Variants in GUF1 observed in about 807,000 individuals in gnomAD.
GUF1 encodes translation factor GUF1, mitochondrial.
GUF1 carries 78 observed loss-of-function variants against 82.4 expected under a neutral mutation model. The ratio of observed to expected loss-of-function variants is 0.95; its 90% CI spans 0.79 to 1.14. The LOEUF is 1.14. Ranked by LOEUF, GUF1 falls within the 50% of genes most tolerant of loss-of-function variation. The pLI is 0.00. For missense variants in GUF1, 814 were observed against 798.2 expected, an observed-to-expected ratio of 1.02 and a Z score of -0.24; for synonymous variants, 279 against 282.3, an observed-to-expected ratio of 0.99 and a Z score of 0.12.
chr4:44,690,916 A>G, intron 12 of GUF1, 56 bp downstream of exon 12: 1 of 1,292,500 alleles, frequency 7.7e-7, no homozygotes, highest in Admixed American at 2.4e-5. Flanking sequence ...TGAAATAGTG[A>G]TTTCCAACTC....
intron 13 of GUF1, among the ~76,000 whole-genome samples, chr4:44,692,170 A>T (rs995188590): frequency 1.3e-5 from 2 of 151,904 alleles, no homozygotes; most frequent in African/African-American, 2.4e-5. Context: ...TCTCAAGAGC[A>T]TCTATTTACA....
At position 44,689,358 on chromosome 4, in the gene GUF1, C is replaced by T; in HGVS notation, c.1151C>T (p.Ser384Phe). The change falls in exon 10 of 17, where the codon TCC (serine) becomes TTC (phenylalanine). Residue 384 changes from serine (S) to phenylalanine (F), a missense_variant. Physicochemically the swap from Ser to Phe is radical, Grantham distance 155. Transcript: ENST00000281543. ...ATAGAAAAACTGACTTTAAATGATT[C>T]CAGTGTGACCGTTCATCGGGATAGT... The part of the protein sequence containing the change: ...SAIEKLTLND[S>F]SVTVHRDSSL... 6.2e-7 allele frequency: 1 copy of T among 1,609,820 alleles called. No homozygotes were observed. The highest frequency in any genetic ancestry group is 8.5e-7 in the Non-Finnish European group (1 of 1,177,392).
intron 6 of GUF1, 71 bp from the exon 7 acceptor site, chr4:44,685,888 C>A: frequency 9.9e-7 from 1 of 1,005,364 alleles, no homozygotes; most frequent in Middle Eastern, 2.1e-4. Flanking sequence ...GATCATAAGT[C>A]ACAGGTCATC....
At position 44,678,592 on chromosome 4, in the gene GUF1, A is replaced by G; in HGVS notation, c.-31A>G. The G allele has an allele frequency of 7.0e-7, 1 of 1,436,176 alleles. No homozygotes were observed. The highest frequency in any genetic ancestry group is 9.1e-7 in the Non-Finnish European group (1 of 1,103,118). 89.0% of individuals were successfully genotyped at this position (1,436,176 alleles called of 1,614,324 possible). A position where few individuals can be genotyped will look rare whatever the true frequency, so the allele number is the denominator to read the frequency against. On this transcript the variant is annotated 5_prime_UTR_variant, in exon 1 of 17. Coordinates refer to ENST00000281543, the MANE Select transcript of GUF1 (RefSeq NM_021927.3). The stretch of plus-strand genomic sequence containing the variant: ...GGCTATGCTGCTGTTGCGTGTGGGT[A>G]CCCTCTCCTGACGCCTCCGCCGCCC...
At position 44,698,532 on chromosome 4, in the gene GUF1, A is replaced by G. The variant is rs774252231; in HGVS notation, c.1873-12A>G. ...GTGACTTAGACTTCCAATGTTTTAAAATATTTTTCAGTATGGTGGTGATAT... is the reference window on the plus strand; with the variant it reads ...GTGACTTAGACTTCCAATGTTTTAAGATATTTTTCAGTATGGTGGTGATAT... On this transcript the variant is annotated splice_polypyrimidine_tract_variant and intron_variant, in intron 16 of 16. Transcript: ENST00000281543. 1.3e-5 allele frequency: 21 copies of G among 1,575,100 alleles called. No homozygotes were observed. The Middle Eastern group carries it at 1.0e-3, about 77-fold the overall frequency.
Position 44,696,122 on chromosome 4 carries a change from T to TA in GUF1, c.1835+390dup, listed in dbSNP as rs148367096. Among the ~76,000 whole-genome samples, 115 of 152,292 alleles carry TA rather than the reference T, an allele frequency of 7.6e-4. 4 individuals carry two copies. The East Asian group carries it at 0.021, about 28-fold the overall frequency. Reference sequence around the variant, plus strand: ...AAATGACAAAATTACAATTTTTTTTTAACCCAAAGCATTTAATATTGCTTC... The same window carrying TA: ...AAATGACAAAATTACAATTTTTTTTTAAACCCAAAGCATTTAATATTGCTTC... On this transcript the variant is annotated intron_variant, in intron 15 of 16. Transcript: ENST00000281543.
chr4:44,689,780 A>AG (rs1390263366), intron 10 of GUF1, 63 bp from the exon 11 acceptor site: 15 of 1,339,300 alleles, frequency 1.1e-5, no homozygotes, highest in Non-Finnish European at 9.9e-7. Context: ...ATGTTCATTA[A>AG]AAAAAAAAAA....
chr4:44,697,816 A>G (rs375642671), intron 16 of GUF1, among the ~76,000 whole-genome samples: 12 of 152,130 alleles, frequency 7.9e-5, no homozygotes, highest in African/African-American at 2.7e-4. Context: ...CTCTCCTGAC[A>G]TTGTTTTGCC....
At chr4:44,690,382 T>C (rs1169369095) in intron 11 of GUF1, among the ~76,000 whole-genome samples, 1 of 151,784 alleles carries the variant, frequency 6.6e-6, no homozygotes, top group African/African-American at 2.4e-5. Flanking sequence ...TTCAAATCAG[T>C]GATGAAGACA....
Position 44,686,681 on chromosome 4 carries a change from C to T in GUF1, c.906C>T (p.Val302=), listed in dbSNP as rs2109644914. The change falls in exon 8 of 17, where the codon GTC becomes GTT. Residue 302 remains valine (V), a synonymous_variant. Coordinates refer to ENST00000281543, the MANE Select transcript of GUF1 (RefSeq NM_021927.3). ...QKTYEVNEVG[V]LNPNEQPTHK... ...CATACGAAGTTAATGAAGTAGGAGT[C>T]TTGAATCCTAATGAGCAGCCAACTC... 6.2e-7 allele frequency: 1 copy of T among 1,610,896 alleles called. No homozygotes were observed. The highest frequency in any genetic ancestry group is 8.5e-7 in the Non-Finnish European group (1 of 1,177,612).
intron 8 of GUF1, 65 bp downstream of exon 8, chr4:44,686,778 C>A: frequency 1.8e-6 from 2 of 1,091,532 alleles, no homozygotes; most frequent in Non-Finnish European, 2.8e-6. Context: ...GCATTTTTCT[C>A]AACTTGGTAT....
Position 44,678,689 on chromosome 4 carries a change from G to C in GUF1, c.67G>C (p.Ala23Pro), listed in dbSNP as rs567610700. The C allele has an allele frequency of 8.7e-6, 13 of 1,502,876 alleles. No homozygotes were observed. Among genetic ancestry groups the C allele is most frequent in the Non-Finnish European group, 1.1e-5 (13 of 1,140,022 alleles). 93.1% of individuals were successfully genotyped at this position (1,502,876 alleles called of 1,614,324 possible). Residue 23 changes from alanine to proline, a missense_variant, in exon 1 of 17, where the codon GCG (alanine) becomes CCG (proline). Physicochemically the swap from Ala to Pro is conservative, Grantham distance 27. Transcript: ENST00000281543. ...RALAPRATGA[A>P]LLVAPGPRSA... is the part of the protein sequence containing the mutation. ...TCTCGCGCCACGAGCCACTGGGGCC[G>C]CGCTTCTGGTGGCCCCGGGGCCCCG...
intron 6 of GUF1, among the ~76,000 whole-genome samples, chr4:44,683,552 A>G (rs1714889154): frequency 1.3e-5 from 2 of 152,110 alleles, no homozygotes; most frequent in African/African-American, 4.8e-5. Context: ...AGGTTTTATC[A>G]CTTTCCTAAG....
At position 44,698,714 on chromosome 4, in the gene GUF1, T is replaced by C. The variant is rs1181400293; in HGVS notation, c.*33T>C. On this transcript the variant is annotated 3_prime_UTR_variant, in exon 17 of 17. Coordinates refer to ENST00000281543, the MANE Select transcript of GUF1 (RefSeq NM_021927.3). ...GAAAACAAAGAATTTTCATTGCAAT[T>C]TGTAATATGCTGACAACAGAAAGAA... The C allele has an allele frequency of 6.4e-7, 1 of 1,559,088 alleles. No individual in the cohort carries two copies. Among genetic ancestry groups the C allele is most frequent in the Admixed American group, 2.0e-5 (1 of 51,010 alleles).
At chr4:44,696,821 A>G (rs1271686650) in intron 15 of GUF1, among the ~76,000 whole-genome samples, 1 of 152,220 alleles carries the variant, frequency 6.6e-6, no homozygotes, top group Non-Finnish European at 1.5e-5. Context: ...TCATTCTAAA[A>G]TAAGTGTGTT....
chr4:44,685,226 T>G (rs532975693), intron 6 of GUF1, among the ~76,000 whole-genome samples: 12 of 152,240 alleles, frequency 7.9e-5, no homozygotes, highest in Non-Finnish European at 1.8e-4. Flanking sequence ...TTTGGAGATA[T>G]TTTTGGTTTT....
rs192443880 is a variant in GUF1, at chr4:44,693,831, C to G, written c.1614-581C>G. The G allele has an allele frequency of 6.0e-3, 912 of 152,256 alleles. 6 individuals are homozygous for G. The highest frequency in any genetic ancestry group is 0.025 in the South Asian group (119 of 4,824). 9.4% of individuals were successfully genotyped at this position (152,256 alleles called of 1,614,324 possible). A position where few individuals can be genotyped will look rare whatever the true frequency, so the allele number is the denominator to read the frequency against. On this transcript the variant is annotated intron_variant, in intron 13 of 16. Transcript: ENST00000281543. ...AAGTGCTTGTGTGTGCTAAGCTAGG[C>G]TCTGTTTAAACACTTATTATGTACT... is the stretch of plus-strand genomic sequence containing the variant.
chr4:44,688,430 C>A (rs1331653228), intron 9 of GUF1, among the ~76,000 whole-genome samples: 1 of 151,624 alleles, frequency 6.6e-6, no homozygotes, highest in African/African-American at 2.4e-5. Context: ...CTAGGGAGTT[C>A]ATTATTATAT....
intron 12 of GUF1, 135 bp downstream of exon 12, chr4:44,690,995 AT>A (rs1249924527): frequency 1.9e-5 from 9 of 472,378 alleles, no homozygotes; most frequent in Non-Finnish European, 3.4e-5. Context: ...ATATCTGTCT[AT>A]ATCTATACAC....
Sources: gnomAD v4.1 joint callset for allele counts (sites outside exome capture counted in the v4.1 genomes callset) on GRCh38, gnomAD v4.1.1 for gene constraint, MANE v1.5 for transcripts, NCBI Gene and HGNC (gene_info 2026-07-23, HGNC 2026-07-21) for gene names.